SETD9: variants seen among roughly 807,000 people sequenced by gnomAD.
SETD9 encodes the protein SET domain-containing protein 9.
SETD9 carries 37 observed loss-of-function variants against 36.4 expected under a neutral mutation model. The observed-to-expected ratio is 1.02, with a 90% CI of 0.78 to 1.34. The LOEUF (loss-of-function observed/expected upper bound fraction) is 1.34, where lower values mean the gene tolerates loss of function less well. SETD9 is among the 40% of genes most tolerant of loss of function. The pLI is 0.00. For synonymous variants in SETD9, 128 were observed against 132.9 expected (o/e 0.96, Z 0.26); for missense variants, 323 against 353.2 (o/e 0.91, Z 0.69).
At chr5:56,909,451 A>T (rs1748971315), upstream of SETD9, 2 of 490,660 alleles carry the variant, frequency 4.1e-6, no homozygotes, top group East Asian at 3.6e-5. Context: ...CGCGCCTCTC[A>T]TTCAGAGAGG....
intron 5 of SETD9, among the ~76,000 whole-genome samples, 159 bp downstream of exon 5, chr5:56,915,125 T>G (rs1749362933): frequency 6.6e-6 from 1 of 152,208 alleles, no homozygotes; most frequent in South Asian, 2.1e-4. Flanking sequence ...AATGTAGGCT[T>G]ATTTGAAATT....
intron 5 of SETD9, 73 bp from the exon 6 acceptor site, chr5:56,916,742 C>CT: frequency 1.3e-6 from 2 of 1,495,060 alleles, no homozygotes; most frequent in Non-Finnish European, 1.8e-6. Context: ...CTATAAAAGC[C>CT]ATCTTGGTTA....
chr5:56,909,783 C>T (rs769925269), intron 1 of SETD9, 40 bp downstream of exon 1: 9 of 1,544,112 alleles, frequency 5.8e-6, no homozygotes, highest in Middle Eastern at 1.7e-4. Context: ...CACCTGCCTT[C>T]GGTTCCCAGA....
rs745394850 is a variant in SETD9 at position 56,917,258 on chromosome 5, C to T, written c.*356C>T. On this transcript the variant is annotated 3_prime_UTR_variant, in exon 6 of 6. Transcript: ENST00000285947. ...AAATTGTAGCCAGGCATCAGCAGTT[C>T]TTGTAGTACTGCTGATGTGTACAAA... 6 of 1,035,058 alleles carry T rather than the reference C, an allele frequency of 5.8e-6. No individual in the cohort carries two copies. The highest frequency in any genetic ancestry group is 7.0e-6 in the Non-Finnish European group (6 of 863,150). 64.1% of individuals were successfully genotyped at this position (1,035,058 alleles called of 1,614,324 possible). A position where few individuals can be genotyped will look rare whatever the true frequency, so the allele number is the denominator to read the frequency against.
chr5:56,923,416 TAAATTAAAAC>T, intron 5 of SETD9: 1 of 1,614,144 alleles, frequency 6.2e-7, no homozygotes, highest in Non-Finnish European at 8.5e-7. Context: ...CAGTCTCAAA[TAAATTAAAAC>T]AATCACTTTC....
downstream of SETD9, among the ~76,000 whole-genome samples, chr5:56,918,818 A>C (rs1293038225): frequency 6.6e-6 from 1 of 152,240 alleles, no homozygotes; most frequent in African/African-American, 2.4e-5. Context: ...TGCATCTTAA[A>C]AATGGAACTA....
At chr5:56,927,658 A>G (rs969420158), downstream of SETD9, among the ~76,000 whole-genome samples, 8 of 152,056 alleles carry the variant, frequency 5.3e-5, no homozygotes, top group African/African-American at 1.9e-4. Flanking sequence ...TCTACTTTCA[A>G]CATCCTACAT....
intron 2 of SETD9, among the ~76,000 whole-genome samples, chr5:56,912,649 TTTAA>T (rs1387513844): frequency 1.9e-4 from 29 of 152,214 alleles, no homozygotes; most frequent in Admixed American, 3.9e-4. Context: ...GTCTACATTA[TTTAA>T]TTATTAGCAA....
chr5:56,912,882 G>T, intron 2 of SETD9, 129 bp from the exon 3 acceptor site: 1 of 903,458 alleles, frequency 1.1e-6, no homozygotes, highest in Non-Finnish European at 1.7e-6. Flanking sequence ...ATCTGCTATT[G>T]GGCGTTCACG....
At chr5:56,919,158 G>C (rs1424583038), downstream of SETD9, among the ~76,000 whole-genome samples, 5 of 132,920 alleles carry the variant, frequency 3.8e-5, no homozygotes, top group African/African-American at 1.4e-4. Flanking sequence ...TGGAGTCTCA[G>C]TCTGTTGTCC....
At chr5:56,916,771 A>T in intron 5 of SETD9, 44 bp from the exon 6 acceptor site, 1 of 1,584,604 alleles carries the variant, frequency 6.3e-7, no homozygotes, top group Non-Finnish European at 8.5e-7. Flanking sequence ...ATATGAGCTT[A>T]TATTTGTTAA....
chr5:56,919,409 T>C (rs1043124719), downstream of SETD9, among the ~76,000 whole-genome samples: 1 of 152,060 alleles, frequency 6.6e-6, no homozygotes, highest in African/African-American at 2.4e-5. Flanking sequence ...CAGGGGGACT[T>C]TTATTATAGA....
intron 2 of SETD9, 93 bp from the exon 3 acceptor site, chr5:56,912,918 G>T: frequency 2.2e-6 from 3 of 1,345,040 alleles, no homozygotes; most frequent in Non-Finnish European, 3.1e-6. Context: ...AGTAACTAAA[G>T]AGAATGTGAT....
At chr5:56,920,611 G>A (rs1749626317), downstream of SETD9, 1 of 152,024 alleles carries the variant, frequency 6.6e-6, no homozygotes. Context: ...CTGTTAAGAT[G>A]TTTAAACTGA....
At chr5:56,925,692 C>A (rs570591765), downstream of SETD9, among the ~76,000 whole-genome samples, 1 of 152,102 alleles carries the variant, frequency 6.6e-6, no homozygotes, top group Non-Finnish European at 1.5e-5. Flanking sequence ...CTTGATCTAC[C>A]GATTTAGCAC....
intron 2 of SETD9, 41 bp downstream of exon 2, chr5:56,911,577 C>T (rs944540178): frequency 4.7e-6 from 7 of 1,480,816 alleles, no homozygotes; most frequent in South Asian, 4.3e-5. Flanking sequence ...AAGCTTCTTA[C>T]GTATTGATAA....
At chr5:56,928,570 A>G (rs1284165813), downstream of SETD9, 2 of 416,876 alleles carry the variant, frequency 4.8e-6, no homozygotes, top group Non-Finnish European at 8.6e-6. Flanking sequence ...ATGTGAAAAG[A>G]TATGTGAATA....
At chr5:56,924,396 G>T (rs1430616142) in intron 5 of SETD9, among the ~76,000 whole-genome samples, 1 of 152,036 alleles carries the variant, frequency 6.6e-6, no homozygotes, top group Non-Finnish European at 1.5e-5. Context: ...CTACAGTGAG[G>T]GTTCTTAACT....
At chr5:56,911,666 T>G (rs1749138044) in intron 2 of SETD9, 130 bp downstream of exon 2, 10 of 1,047,980 alleles carry the variant, frequency 9.5e-6, no homozygotes, top group Non-Finnish European at 1.3e-5. Context: ...TCCATAGATT[T>G]TTGCAATTCT....
Sources: allele counts gnomAD v4.1 joint callset (sites outside exome capture counted in the v4.1 genomes callset), GRCh38; gene constraint gnomAD v4.1.1; transcripts MANE v1.5; gene names NCBI Gene and HGNC (gene_info 2026-07-23, HGNC 2026-07-21).